Variants in IQCJ observed in about 807,000 individuals in gnomAD.
The protein encoded by IQCJ is IQ motif containing J.
In IQCJ, 9 loss-of-function variants were observed where a neutral mutation model predicts 11.0. The ratio of observed to expected loss-of-function variants is 0.82; its 90% CI spans 0.49 to 1.43. The LOEUF is 1.43. Among genes scored for constraint, IQCJ ranks in the 40% most tolerant of loss-of-function variants. The pLI, the probability that IQCJ is intolerant of heterozygous loss-of-function variation, is 0.00. For synonymous variants in IQCJ, 55 were observed against 51.3 expected, an observed-to-expected ratio of 1.07 and a Z score of -0.31; for missense variants, 146 against 133.2, an observed-to-expected ratio of 1.10 and a Z score of -0.47.
At chr3:159,248,643 C>T (rs1409250302) in intron 2 of IQCJ, among the ~76,000 whole-genome samples, 3 of 152,194 alleles carry the variant, frequency 2.0e-5, no homozygotes, top group Non-Finnish European at 4.4e-5. Context: ...ATTAGATTCT[C>T]AGGGGATGAG....
intron 2 of IQCJ, among the ~76,000 whole-genome samples, chr3:159,246,993 C>T (rs551501524): frequency 6.6e-6 from 1 of 152,276 alleles, no homozygotes; most frequent in East Asian, 1.9e-4. Flanking sequence ...GGCATCACAC[C>T]TTTCCTCACT....
chr3:159,091,670 GCATGCACA>G (rs1344742522), intron 1 of IQCJ, among the ~76,000 whole-genome samples: 3,189 of 62,544 alleles, frequency 0.051, 173 homozygotes, highest in African/African-American at 0.088. Context: ...ACACACACAC[GCATGCACA>G]CACACACACA....
Position 159,096,203 on chromosome 3 carries a change from G to C in IQCJ, c.9+26762G>C, listed in dbSNP as rs1400975051. 5.2e-4 allele frequency among the ~76,000 whole-genome samples: 67 copies of C among 127,752 alleles called. No homozygotes were observed. The East Asian group carries it at 0.014, about 26-fold the overall frequency. 83.8% of individuals were successfully genotyped at this position (127,752 alleles called of 152,430 possible). On this transcript the variant is annotated intron_variant, in intron 1 of 3. Transcript: ENST00000397832. ...TGTTCATGTCCTTCGCCCACTTTTT[G>C]ATGGGGTTGTTTGTTTTTTTCTTGT...
chr3:159,227,765 T>A (rs77692911), intron 1 of IQCJ, among the ~76,000 whole-genome samples: 3,486 of 152,272 alleles, frequency 0.023, 141 homozygotes, highest in African/African-American at 0.08. Context: ...AAATGTTTTA[T>A]CAAAAAAGGA....
At chr3:159,204,505 T>C (rs1031416262) in intron 1 of IQCJ, among the ~76,000 whole-genome samples, 12 of 152,226 alleles carry the variant, frequency 7.9e-5, no homozygotes, top group African/African-American at 2.9e-4. Flanking sequence ...GGTGTCTGGC[T>C]TCCCCCAGAG....
At chr3:159,201,509 C>CTG (rs749165762) in intron 1 of IQCJ, among the ~76,000 whole-genome samples, 1 of 112,214 alleles carries the variant, frequency 8.9e-6, no homozygotes, top group East Asian at 2.5e-4. Flanking sequence ...CTTTGTGTAT[C>CTG]TCTGTGTGTG....
chr3:159,257,572 A>AG (rs1382756034), intron 3 of IQCJ, among the ~76,000 whole-genome samples: 7 of 152,134 alleles, frequency 4.6e-5, no homozygotes, highest in Non-Finnish European at 7.4e-5. Flanking sequence ...ACTGGAGTGG[A>AG]GGGGAAGCAG....
chr3:159,129,346 G>T (rs1467156740), intron 1 of IQCJ, among the ~76,000 whole-genome samples: 2 of 152,138 alleles, frequency 1.3e-5, no homozygotes, highest in Non-Finnish European at 2.9e-5. Context: ...GAAGCTCAGG[G>T]CTAGTCCTAT....
Position 159,135,747 on chromosome 3 carries a change from T to C in IQCJ, c.9+66306T>C, listed in dbSNP as rs553218603. 3.9e-5 allele frequency among the ~76,000 whole-genome samples: 6 copies of C among 152,282 alleles called. No homozygotes were observed. The South Asian group carries it at 1.2e-3, about 32-fold the overall frequency. On this transcript the variant is annotated intron_variant, in intron 1 of 3. Coordinates refer to ENST00000397832, the MANE Select transcript of IQCJ (RefSeq NM_001042706.3). ...ACCAAATGCAAGGGAGTCTGGGAAA[T>C]GTAGTATAATTATGTGGCCAGGAAG... is the stretch of plus-strand genomic sequence containing the variant.
chr3:159,241,451 A>G (rs1331503736), intron 1 of IQCJ, among the ~76,000 whole-genome samples: 1 of 152,160 alleles, frequency 6.6e-6, no homozygotes, highest in African/African-American at 2.4e-5. Flanking sequence ...AATAAGTAGA[A>G]TGAAACTTAA....
In IQCJ at chr3:159,263,458, A is replaced by G; in HGVS notation, c.*727A>G. On this transcript the variant is annotated 3_prime_UTR_variant, in exon 4 of 4. Coordinates refer to ENST00000397832, the MANE Select transcript of IQCJ (RefSeq NM_001042706.3). ...CTGGAAGTCTTTATTTTTAAAAAAC[A>G]CCAAAAGTGGGAAGAAATCAGTGAT... is the stretch of plus-strand genomic sequence containing the variant. 1 of 984,662 alleles carries G rather than the reference A, an allele frequency of 1.0e-6. No homozygotes were observed. The allele number at this position is 984,662 out of a possible 1,614,324, so 61.0% of individuals were successfully genotyped here. A position where few individuals can be genotyped will look rare whatever the true frequency, so the allele number is the denominator to read the frequency against.
intron 3 of IQCJ, among the ~76,000 whole-genome samples, chr3:159,260,016 A>G (rs1028577525): frequency 6.6e-6 from 1 of 152,270 alleles, no homozygotes; most frequent in Middle Eastern, 3.2e-3. Flanking sequence ...TTTTAAATAC[A>G]TATTTTAAAA....
chr3:159,151,843 G>A (rs1370670409), intron 1 of IQCJ, among the ~76,000 whole-genome samples: 2 of 152,120 alleles, frequency 1.3e-5, no homozygotes, highest in Admixed American at 6.5e-5. Flanking sequence ...CACTGTGTTA[G>A]CCAGATGGTC....
chr3:159,162,833 T>G (rs1721945435), intron 1 of IQCJ, among the ~76,000 whole-genome samples: 1 of 152,152 alleles, frequency 6.6e-6, no homozygotes. Flanking sequence ...AAGAAATGGA[T>G]AAATTCCTTG....
At position 159,150,746 on chromosome 3, in the gene IQCJ, T is replaced by C. The variant is rs76146155; in HGVS notation, c.9+81305T>C. ...TGAACATTTGTTGAAGTAGCAAGTG[T>C]AGAATGATTGAGTGCCTCTGTTAGA... On this transcript the variant is annotated intron_variant, in intron 1 of 3. Transcript: ENST00000397832. Among the ~76,000 whole-genome samples the C allele has an allele frequency of 2.6e-4, 40 of 152,286 alleles. No homozygotes were observed. The East Asian group carries it at 7.3e-3, about 28-fold the overall frequency.
At chr3:159,086,768 G>T in intron 1 of IQCJ, among the ~76,000 whole-genome samples, 1 of 152,136 alleles carries the variant, frequency 6.6e-6, no homozygotes, top group Admixed American at 6.6e-5. Context: ...CATTGATTTT[G>T]TATCCTGAGA....
chr3:159,228,780 G>A (rs1726013219), intron 1 of IQCJ, among the ~76,000 whole-genome samples: 1 of 148,442 alleles, frequency 6.7e-6, no homozygotes, highest in South Asian at 2.1e-4. Flanking sequence ...TCCAGCCTGG[G>A]CGACAGAGCG....
chr3:159,072,749 A>T (rs1576983847), intron 1 of IQCJ, among the ~76,000 whole-genome samples: 1 of 152,092 alleles, frequency 6.6e-6, no homozygotes, highest in South Asian at 2.1e-4. Context: ...TAATATCCAC[A>T]TTCTACTGGT....
chr3:159,101,247 C>A (rs1717884269), intron 1 of IQCJ, among the ~76,000 whole-genome samples: 2 of 149,318 alleles, frequency 1.3e-5, no homozygotes. Flanking sequence ...TGCGCACACA[C>A]ACTGGCCTGC....
Sources: allele counts gnomAD v4.1 joint callset (sites outside exome capture counted in the v4.1 genomes callset), GRCh38; gene constraint gnomAD v4.1.1; transcripts MANE v1.5; gene names NCBI Gene and HGNC (gene_info 2026-07-23, HGNC 2026-07-21).